The following CTNND2 variants were observed in gnomAD, a reference collection of about 807,000 sequenced individuals.
The protein encoded by CTNND2 is catenin delta 2, also known as catenin delta-2.
In CTNND2, 22 loss-of-function variants were observed where a neutral mutation model predicts 144.4. The ratio of observed to expected loss-of-function variants is 0.15; its 90% CI spans 0.11 to 0.22. The LOEUF (loss-of-function observed/expected upper bound fraction) is 0.22, where lower values mean the gene tolerates loss of function less well. Ranked by LOEUF, CTNND2 falls within the 10% of genes least tolerant of loss-of-function variation. CTNND2 has a pLI of 1.00. For synonymous variants in CTNND2, 751 were observed against 695.6 expected (o/e 1.08, Z -1.25); for missense variants, 1,353 against 1,618.8 (o/e 0.84, Z 2.82).
intron 1 of CTNND2, among the ~76,000 whole-genome samples, chr5:11,858,382 A>C (rs1795344798): frequency 6.6e-6 from 1 of 152,210 alleles, no homozygotes; most frequent in South Asian, 2.1e-4. Flanking sequence ...GGAAGGTCAG[A>C]TGACAGAAAG....
intron 3 of CTNND2, among the ~76,000 whole-genome samples, chr5:11,515,440 C>T (rs1049857545): frequency 6.6e-6 from 1 of 152,278 alleles, no homozygotes; most frequent in Admixed American, 6.5e-5. Context: ...CTCCACTTGA[C>T]TAGGTAGTAT....
At chr5:11,478,820 A>G (rs1312850936) in intron 3 of CTNND2, among the ~76,000 whole-genome samples, 1 of 152,198 alleles carries the variant, frequency 6.6e-6, no homozygotes, top group Non-Finnish European at 1.5e-5. Flanking sequence ...AAATCTGAAT[A>G]TAAAGAAATT....
intron 11 of CTNND2, among the ~76,000 whole-genome samples, chr5:11,194,297 T>C (rs973885546): frequency 6.6e-6 from 1 of 152,146 alleles, no homozygotes; most frequent in South Asian, 2.1e-4. Context: ...AAAGGGGTGA[T>C]TGAAAGGAAG....
At chr5:11,611,213 C>T (rs149836935) in intron 2 of CTNND2, among the ~76,000 whole-genome samples, 1,550 of 152,246 alleles carry the variant, frequency 0.01, 13 homozygotes, top group East Asian at 0.027. Context: ...GTTTGCTTCC[C>T]CTTCTGCCAT....
chr5:11,070,978 G>C (rs908901163), intron 16 of CTNND2, among the ~76,000 whole-genome samples: 7 of 151,560 alleles, frequency 4.6e-5, no homozygotes, highest in African/African-American at 7.3e-5. Context: ...GGGGAGGGAG[G>C]AGGAAGGGAG....
At chr5:11,162,130 G>A (rs184467718) in intron 11 of CTNND2, among the ~76,000 whole-genome samples, 2 of 152,100 alleles carry the variant, frequency 1.3e-5, no homozygotes, top group Admixed American at 1.3e-4. Flanking sequence ...TCCAGCCTGG[G>A]TGACAGAGCA....
At chr5:11,656,788 C>A (rs1459891704) in intron 2 of CTNND2, among the ~76,000 whole-genome samples, 2 of 152,102 alleles carry the variant, frequency 1.3e-5, no homozygotes, top group Admixed American at 1.3e-4. Flanking sequence ...CCCAAAAATT[C>A]TGAGATGCAC....
chr5:11,275,422 C>T (rs748923819), intron 9 of CTNND2, among the ~76,000 whole-genome samples: 1 of 152,194 alleles, frequency 6.6e-6, no homozygotes. Context: ...GTGAGGTGAG[C>T]ACTGAGAGAG....
intron 3 of CTNND2, among the ~76,000 whole-genome samples, chr5:11,478,452 G>A (rs1360619713): frequency 6.6e-6 from 1 of 152,190 alleles, no homozygotes. Context: ...GTGGCTCTTA[G>A]AAGATGGGAA....
rs1379955999 is a variant in CTNND2 at position 11,199,449 on chromosome 5, T to C, written c.1974A>G (p.Thr658=). 6.2e-7 allele frequency: 1 copy of C among 1,613,380 alleles called. No individual in the cohort carries two copies. The highest frequency in any genetic ancestry group is 1.1e-5 in the South Asian group (1 of 91,050). Residue 658 remains threonine (T), a splice_region_variant and synonymous_variant, in exon 11 of 22, where the codon ACA becomes ACG. Coordinates refer to ENST00000304623, the MANE Select transcript of CTNND2 (RefSeq NM_001332.4). ...TTDLEIRELV[T]GVLWNLSSCD... ...TAATAATTTAATAATGATTCTAACC[T>C]GTGACCAGCTCCCGGATCTCCAGGT...
chr5:11,320,745 A>G (rs555125909), intron 9 of CTNND2, among the ~76,000 whole-genome samples: 24 of 152,262 alleles, frequency 1.6e-4, no homozygotes, highest in African/African-American at 5.8e-4. Flanking sequence ...CCATGATTCA[A>G]TCATCTCCCA....
chr5:11,406,482 C>T (rs536291843), intron 5 of CTNND2, among the ~76,000 whole-genome samples: 2 of 152,246 alleles, frequency 1.3e-5, no homozygotes, highest in African/African-American at 4.8e-5. Flanking sequence ...CTCCTAAGAC[C>T]TCTTCTGCAT....
chr5:11,417,931 A>T (rs1452010618), intron 3 of CTNND2, among the ~76,000 whole-genome samples: 1 of 152,172 alleles, frequency 6.6e-6, no homozygotes, highest in East Asian at 1.9e-4. Context: ...AAATATAATA[A>T]TATGACTACA....
intron 3 of CTNND2, among the ~76,000 whole-genome samples, chr5:11,533,684 A>G (rs31791): frequency 0.027 from 4,089 of 152,318 alleles, 57 homozygotes; most frequent in African/African-American, 0.045. Flanking sequence ...GCTTCATGGA[A>G]GCACCAATTT....
chr5:11,791,765 A>G (rs566232572), intron 1 of CTNND2, among the ~76,000 whole-genome samples: 1 of 152,318 alleles, frequency 6.6e-6, no homozygotes, highest in African/African-American at 2.4e-5. Context: ...TTAATTCATT[A>G]CTGCTAAACT....
In CTNND2 at chr5:11,344,252, C is replaced by T. The variant is rs553195612; in HGVS notation, c.1628+2120G>A. On this transcript the variant is annotated intron_variant, in intron 9 of 21. Coordinates refer to ENST00000304623, the MANE Select transcript of CTNND2 (RefSeq NM_001332.4). ...CTAAAAATACAAAAAATTAGCCGGG[C>T]GCGGTGGCGGGCGCCTGTAGTCCCA... Among the ~76,000 whole-genome samples, 11 of 152,138 alleles carry T rather than the reference C, an allele frequency of 7.2e-5. 1 individual carries two copies. In the South Asian group the frequency reaches 2.1e-3, roughly 29 times the overall value.
chr5:11,603,018 T>C (rs1002181188), intron 2 of CTNND2, among the ~76,000 whole-genome samples: 3 of 151,712 alleles, frequency 2.0e-5, no homozygotes, highest in Admixed American at 6.6e-5. Flanking sequence ...AACAAATAGG[T>C]TGGTAATTTA....
chr5:11,333,018 A>C (rs1190927150), intron 9 of CTNND2, among the ~76,000 whole-genome samples: 1 of 152,182 alleles, frequency 6.6e-6, no homozygotes. Context: ...GTCTTTATAA[A>C]TCACCCAGTC....
intron 2 of CTNND2, among the ~76,000 whole-genome samples, chr5:11,684,238 A>G (rs1304237593): frequency 6.6e-6 from 1 of 151,710 alleles, no homozygotes; most frequent in Admixed American, 6.6e-5. Context: ...AGTAGCTGGG[A>G]CTACAGGCGC....
Sources: gnomAD v4.1 joint callset for allele counts (sites outside exome capture counted in the v4.1 genomes callset) on GRCh38, gnomAD v4.1.1 for gene constraint, MANE v1.5 for transcripts, NCBI Gene and HGNC (gene_info 2026-07-23, HGNC 2026-07-21) for gene names.